HSPBP1: variants seen among roughly 807,000 people sequenced by gnomAD.
The protein encoded by HSPBP1 is hsp70-binding protein 1.
HSPBP1 carries 31 observed loss-of-function variants against 41.7 expected under a neutral mutation model. That is an observed-to-expected ratio of 0.74 (90% CI 0.56 to 1.00). The LOEUF (loss-of-function observed/expected upper bound fraction) is 1.00. Among genes scored for constraint, HSPBP1 ranks in the 50% least tolerant of loss-of-function variants. The pLI is 0.00. For missense variants in HSPBP1, 439 were observed against 487.9 expected (o/e 0.90, Z 0.94); for synonymous variants, 199 against 214.4 (o/e 0.93, Z 0.63).
chr19:55,277,704 T>C lies in HSPBP1; in HGVS notation c.353A>G (p.Gln118Arg), dbSNP rs570763744. 24 of 1,605,464 alleles carry C rather than the reference T, an allele frequency of 1.5e-5. No homozygotes were observed. Among genetic ancestry groups the C allele is most frequent in the Non-Finnish European group, 2.0e-5 (24 of 1,176,952 alleles). Residue 118 changes from glutamine (Q) to arginine (R), a missense_variant, in exon 3 of 8, where the codon CAA (glutamine) becomes CGA (arginine). By Grantham distance (43) the Gln-to-Arg change is conservative. Coordinates refer to ENST00000433386, the MANE Select transcript of HSPBP1 (RefSeq NM_012267.5). ...AGEAEQAADQ[Q>R]EREGALELLA... ...CAGCTCCAGGGCCCCCTCTCGCTCT[T>C]GCTGGTCGGCCGCCTGCTCGGCCTC... is the stretch of plus-strand genomic sequence containing the variant.
chr19:55,274,153 G>T (rs1232802256), intron 4 of HSPBP1, among the ~76,000 whole-genome samples: 1 of 152,078 alleles, frequency 6.6e-6, no homozygotes, highest in Non-Finnish European at 1.5e-5. Flanking sequence ...TGTGCAAAGC[G>T]CTCACGCTGA....
Position 55,279,865 on chromosome 19 carries a change from C to T in HSPBP1, c.-94-163G>A, listed in dbSNP as rs2088186101. The stretch of plus-strand genomic sequence containing the variant: ...CCTTTCTCCCTAGCAACAGGCCCCA[C>T]CCACTCTCCCTGGCAACAACCCCCC... On this transcript the variant is annotated intron_variant, in intron 1 of 7. Transcript: ENST00000433386. 8 of 723,754 alleles carry T rather than the reference C, an allele frequency of 1.1e-5. No individual in the cohort carries two copies. In the South Asian group the frequency reaches 1.3e-4, roughly 12 times the overall value. The allele number at this position is 723,754 out of a possible 1,614,324, so 44.8% of individuals were successfully genotyped here.
chr19:55,279,611 G>A lies in HSPBP1; in HGVS notation c.-3C>T, dbSNP rs375373467. The A allele has an allele frequency of 6.3e-7, 1 of 1,581,348 alleles. No homozygotes were observed. The highest frequency in any genetic ancestry group is 1.3e-5 in the African/African-American group (1 of 74,516). ...CCCCTTGAGCCTTCGTCTGACATGG[G>A]CCGTTTGTGAAGAAGGGAAGAATGT... On this transcript the variant is annotated 5_prime_UTR_variant, in exon 2 of 8. Transcript: ENST00000433386.
At chr19:55,271,381 T>A (rs2087920528) in intron 4 of HSPBP1, among the ~76,000 whole-genome samples, 1 of 152,030 alleles carries the variant, frequency 6.6e-6, no homozygotes, top group Non-Finnish European at 1.5e-5. Flanking sequence ...CCTAAAGACT[T>A]CTTTTTTAAT....
At chr19:55,277,584 G>A in intron 3 of HSPBP1, 58 bp downstream of exon 3, 1 of 1,523,398 alleles carries the variant, frequency 6.6e-7, no homozygotes, top group Non-Finnish European at 8.9e-7. Flanking sequence ...GGCAAGAGCT[G>A]AGAGGCAGCA....
rs2088107995 is a variant in HSPBP1 at position 55,277,644 on chromosome 19, G to A, written c.413C>T (p.Ala138Val). The change falls in exon 3 of 8, where the codon GCA becomes GTA. Residue 138 changes from alanine to valine, a missense_variant and splice_region_variant. Coordinates refer to ENST00000433386, the MANE Select transcript of HSPBP1 (RefSeq NM_012267.5). ...ADLCENMDNA[A>V]DFCQLSGMHL... ...TCCTGGCGGGGGAAGCGGGGTACCT[G>A]CGGCATTGTCCATGTTCTCACACAG... 6.2e-7 allele frequency: 1 copy of A among 1,604,264 alleles called. No homozygotes were observed. The highest frequency in any genetic ancestry group is 1.3e-5 in the African/African-American group (1 of 74,752).
chr19:55,279,706 C>A lies in HSPBP1; in HGVS notation c.-94-4G>T. The A allele has an allele frequency of 6.5e-7, 1 of 1,537,696 alleles. No individual in the cohort carries two copies. Among genetic ancestry groups the A allele is most frequent in the African/African-American group, 1.4e-5 (1 of 73,140 alleles). ...TGATGGGTCGATTCTTGAGGGTCTG[C>A]TGAGAAGGCGGCGTTTCAGGGGAGC... On this transcript the variant is annotated splice_region_variant and splice_polypyrimidine_tract_variant and intron_variant, in intron 1 of 7. Transcript: ENST00000433386.
chr19:55,268,173 G>A lies in HSPBP1; in HGVS notation c.641-1887C>T, dbSNP rs1172400072. ...TGGCTGGGCGCGGTGGCTCATGCCT[G>A]TAATCCCAGCACTTTGGGAGGCCGA... is the stretch of plus-strand genomic sequence containing the variant. On this transcript the variant is annotated intron_variant, in intron 4 of 7. Transcript: ENST00000433386. This position sits in a 1 kb window ranked among gnomAD's most constrained non-coding sequence, Gnocchi z 4.5. Among the ~76,000 whole-genome samples the A allele has an allele frequency of 2.6e-5, 4 of 152,178 alleles. No homozygotes were observed. The highest frequency in any genetic ancestry group is 2.9e-5 in the Non-Finnish European group (2 of 68,028).
chr19:55,265,495 C>T (rs925073926), intron 6 of HSPBP1, 106 bp from the exon 7 acceptor site: 11 of 866,408 alleles, frequency 1.3e-5, no homozygotes, highest in African/African-American at 6.6e-5. Context: ...CCTGGCAAGT[C>T]GCTGCCCCAC....
intron 6 of HSPBP1, 26 bp downstream of exon 6, chr19:55,265,860 C>A: frequency 6.4e-7 from 1 of 1,562,782 alleles, no homozygotes; most frequent in South Asian, 1.2e-5. Context: ...CACCCCAGGC[C>A]CCGTCCTCTC....
Position 55,278,369 on chromosome 19 carries a change from C to A in HSPBP1, c.211-523G>T, listed in dbSNP as rs114828836. 4.3e-3 allele frequency among the ~76,000 whole-genome samples: 657 copies of A among 152,214 alleles called. 5 individuals carry two copies. The highest frequency in any genetic ancestry group is 0.014 in the African/African-American group (598 of 41,528). On this transcript the variant is annotated intron_variant, in intron 2 of 7. Transcript: ENST00000433386. ...GAGTGAGCTATTTAATGTTTCTGTG[C>A]CTGTTTCATGCCTCACTGTTGTAAA...
chr19:55,274,379 G>T lies in HSPBP1; in HGVS notation c.640+19C>A. 9.3e-6 allele frequency: 2 copies of T among 215,134 alleles called. No individual in the cohort carries two copies. The highest frequency in any genetic ancestry group is 5.6e-5 in the South Asian group (1 of 18,000). The allele number at this position is 215,134 out of a possible 1,614,324, so 13.3% of individuals were successfully genotyped here. A position where few individuals can be genotyped will look rare whatever the true frequency, so the allele number is the denominator to read the frequency against. The stretch of plus-strand genomic sequence containing the variant: ...CCCACCGCCAGCACCCCTGTCCCCA[G>T]CCCCACCCGGACACTCACAGGAGAT... On this transcript the variant is annotated intron_variant, in intron 4 of 7. Transcript: ENST00000433386.
chr19:55,265,530 C>T (rs532900132), intron 6 of HSPBP1, 141 bp from the exon 7 acceptor site: 11 of 718,346 alleles, frequency 1.5e-5, no homozygotes, highest in African/African-American at 3.5e-5. Flanking sequence ...TCCCCATCTG[C>T]GGAATGGACC....
At chr19:55,280,194 G>A (rs2088195311), upstream of HSPBP1, 1 of 182,208 alleles carries the variant, frequency 5.5e-6, no homozygotes, top group Non-Finnish European at 1.2e-5. Flanking sequence ...GAAGCTGCTT[G>A]CCCGACTCTT....
chr19:55,268,353 C>A lies in HSPBP1; in HGVS notation c.641-2067G>T, dbSNP rs1489958118. ...GCTGAGGCAGGAGAATCATTTGAAC[C>A]CGGGAGGTGGAGGTTGCAGTGAGCC... On this transcript the variant is annotated intron_variant, in intron 4 of 7. Coordinates refer to ENST00000433386, the MANE Select transcript of HSPBP1 (RefSeq NM_012267.5). This position sits in a 1 kb window ranked among gnomAD's most constrained non-coding sequence, Gnocchi z 4.5. Among the ~76,000 whole-genome samples, 2 of 152,082 alleles carry A rather than the reference C, an allele frequency of 1.3e-5. No homozygotes were observed. Among genetic ancestry groups the A allele is most frequent in the Non-Finnish European group, 2.9e-5 (2 of 68,030 alleles).
chr19:55,271,621 C>T (rs2087925917), intron 4 of HSPBP1, among the ~76,000 whole-genome samples: 1 of 152,202 alleles, frequency 6.6e-6, no homozygotes, highest in Admixed American at 6.5e-5. Flanking sequence ...CTCCCAGCCT[C>T]TGCATGGCTG....
At chr19:55,273,421 C>T (rs2087977066) in intron 4 of HSPBP1, among the ~76,000 whole-genome samples, 1 of 152,152 alleles carries the variant, frequency 6.6e-6, no homozygotes, top group African/African-American at 2.4e-5. Context: ...AGGCAGGCAT[C>T]CAGCACATAC....
At position 55,262,701 on chromosome 19, in the gene HSPBP1, G is replaced by A; in HGVS notation, c.1006-19C>T. 1 of 1,608,184 alleles carries A rather than the reference G, an allele frequency of 6.2e-7. No homozygotes were observed. Among genetic ancestry groups the A allele is most frequent in the Non-Finnish European group, 8.5e-7 (1 of 1,177,188 alleles). On this transcript the variant is annotated intron_variant, in intron 7 of 7. Coordinates refer to ENST00000433386, the MANE Select transcript of HSPBP1 (RefSeq NM_012267.5). ...GCTCCTCCTGGATTGGGCAGGGGCA[G>A]GGAGCAAGGGGCCTGAGTGCAGAGG...
chr19:55,271,671 C>T (rs543419319), intron 4 of HSPBP1, among the ~76,000 whole-genome samples: 2 of 152,344 alleles, frequency 1.3e-5, no homozygotes, highest in East Asian at 3.9e-4. Context: ...GATTCCAGGA[C>T]TCAGGATACA....
Sources: allele counts gnomAD v4.1 joint callset (sites outside exome capture counted in the v4.1 genomes callset), GRCh38; gene constraint gnomAD v4.1.1; non-coding constraint Gnocchi (gnomAD v3.1); transcripts MANE v1.5; gene names NCBI Gene and HGNC (gene_info 2026-07-23, HGNC 2026-07-21).